Variants in SIK2 observed in about 807,000 individuals in gnomAD.
The protein encoded by SIK2 is serine/threonine-protein kinase SIK2.
A neutral mutation model predicts 103.2 loss-of-function variants in SIK2; 29 were observed. The ratio of observed to expected loss-of-function variants is 0.28; its 90% CI spans 0.21 to 0.38. The LOEUF (loss-of-function observed/expected upper bound fraction) is 0.38, where lower values mean the gene tolerates loss of function less well. SIK2 is among the 10% of genes least tolerant of loss of function. The pLI is 1.00. For synonymous variants in SIK2, 412 were observed against 446.1 expected, an observed-to-expected ratio of 0.92 and a Z score of 0.96; for missense variants, 879 against 1,171.0, an observed-to-expected ratio of 0.75 and a Z score of 3.64.
At chr11:111,715,947 G>A (rs772288488) in intron 9 of SIK2, among the ~76,000 whole-genome samples, 7 of 151,730 alleles carry the variant, frequency 4.6e-5, no homozygotes, top group South Asian at 2.1e-4. Flanking sequence ...GAGTACAGGC[G>A]CCTGCCACCA....
At chr11:111,637,955 C>T (rs964121009) in intron 3 of SIK2, among the ~76,000 whole-genome samples, 4 of 151,980 alleles carry the variant, frequency 2.6e-5, no homozygotes, top group Non-Finnish European at 5.9e-5. Context: ...GTGATTACTA[C>T]GTATATTTGT....
rs1943328531 is a variant in SIK2, at chr11:111,705,709, G to GGT, written c.1101+571_1101+572dup. Among the ~76,000 whole-genome samples, 1 of 152,292 alleles carries GGT rather than the reference G, an allele frequency of 6.6e-6. No homozygotes were observed. The highest frequency in any genetic ancestry group is 6.5e-5 in the Admixed American group (1 of 15,292). The stretch of plus-strand genomic sequence containing the variant: ...TATTGTGAAGAGTTTTGAATGCCAA[G>GGT]GTAAAGAGTTTACTTACAATTCAAG... On this transcript the variant is annotated intron_variant, in intron 8 of 14. Coordinates refer to ENST00000304987, the MANE Select transcript of SIK2 (RefSeq NM_015191.3). The surrounding 1 kb of genome is among the most constrained non-coding windows in gnomAD (Gnocchi z 4.3).
chr11:111,655,234 T>C (rs1158327337), intron 3 of SIK2, among the ~76,000 whole-genome samples: 3 of 152,130 alleles, frequency 2.0e-5, no homozygotes, highest in Admixed American at 6.5e-5. Flanking sequence ...AAACCTCTTC[T>C]CTACTAAAAA....
chr11:111,719,855 G>A lies in SIK2; in HGVS notation c.1347G>A (p.Glu449=). Residue 449 remains glutamate, a synonymous_variant, in exon 10 of 15, where the codon GAG becomes GAA. Transcript: ENST00000304987. ...GCQSLPSNMM[E]TSIDEGLETE... ...AGTCACTGCCCAGCAACATGATGGA[G>A]ACCTCCATTGACGAAGGGCTGGAGA... The A allele has an allele frequency of 6.2e-7, 1 of 1,614,118 alleles. No individual in the cohort carries two copies. Among genetic ancestry groups the A allele is most frequent in the Non-Finnish European group, 8.5e-7 (1 of 1,180,032 alleles).
chr11:111,664,875 C>G (rs962377598), intron 3 of SIK2, among the ~76,000 whole-genome samples: 7 of 152,170 alleles, frequency 4.6e-5, no homozygotes, highest in African/African-American at 1.7e-4. Flanking sequence ...TTCCTTTTCC[C>G]CTATTAGCTT....
intron 3 of SIK2, among the ~76,000 whole-genome samples, chr11:111,647,939 A>T (rs537049708): frequency 6.6e-6 from 1 of 152,206 alleles, no homozygotes; most frequent in African/African-American, 2.4e-5. Flanking sequence ...CTATTTATAG[A>T]TGAAAATAAG....
chr11:111,705,554 A>C lies in SIK2; in HGVS notation c.1101+415A>C, dbSNP rs1943325254. 1.3e-5 allele frequency among the ~76,000 whole-genome samples: 2 copies of C among 152,202 alleles called. No homozygotes were observed. The highest frequency in any genetic ancestry group is 2.9e-5 in the Non-Finnish European group (2 of 68,040). ...CAAGATCATAAACAACCATCATTCA[A>C]AATAGGGAAAGATGAGAGCTGTAGC... On this transcript the variant is annotated intron_variant, in intron 8 of 14. Transcript: ENST00000304987. The surrounding 1 kb of genome is among the most constrained non-coding windows in gnomAD (Gnocchi z 4.3).
chr11:111,730,256 G>T lies in SIK2; in HGVS notation c.*6127G>T. 6.6e-6 allele frequency: 1 copy of T among 152,234 alleles called. No individual in the cohort carries two copies. Among genetic ancestry groups the T allele is most frequent in the Non-Finnish European group, 1.5e-5 (1 of 68,050 alleles). 9.4% of individuals were successfully genotyped at this position (152,234 alleles called of 1,614,324 possible). A position where few individuals can be genotyped will look rare whatever the true frequency, so the allele number is the denominator to read the frequency against. On this transcript the variant is annotated 3_prime_UTR_variant, in exon 15 of 15. Transcript: ENST00000304987. ...AGATGGAATAATGTCACATTCCCCA[G>T]TGCAGATAATGGGCTGCTGCTGGCT...
chr11:111,606,665 A>G (rs564696728), intron 1 of SIK2, among the ~76,000 whole-genome samples: 43 of 152,258 alleles, frequency 2.8e-4, no homozygotes, highest in African/African-American at 9.9e-4. Context: ...TTGTGCCTAT[A>G]ACTGAGTGTG....
rs566884305 is a variant in SIK2, at chr11:111,637,926, C to T, written c.316+17524C>T. Reference sequence around the variant, plus strand: ...TGTGTTTGTTTTAGTGTATATATTACGTGTTAGAGTTTATTTAGGTGATTA... The same window carrying T: ...TGTGTTTGTTTTAGTGTATATATTATGTGTTAGAGTTTATTTAGGTGATTA... On this transcript the variant is annotated intron_variant, in intron 3 of 14. Transcript: ENST00000304987. Among the ~76,000 whole-genome samples the T allele has an allele frequency of 1.5e-3, 231 of 151,950 alleles. 2 individuals carry two copies. Among genetic ancestry groups the T allele is most frequent in the African/African-American group, 5.3e-3 (219 of 41,412 alleles).
At chr11:111,636,477 T>G (rs946472206) in intron 3 of SIK2, among the ~76,000 whole-genome samples, 4 of 152,202 alleles carry the variant, frequency 2.6e-5, no homozygotes, top group African/African-American at 4.8e-5. Flanking sequence ...GTTAACAAAG[T>G]CTCTGCCTTC....
At chr11:111,716,591 AAAG>A (rs930880266) in intron 9 of SIK2, among the ~76,000 whole-genome samples, 43 of 152,266 alleles carry the variant, frequency 2.8e-4, no homozygotes, top group African/African-American at 8.4e-4. Context: ...AAAAAAGAAA[AAAG>A]AAGAAGAAAA....
In SIK2 at chr11:111,727,584, A is replaced by G. The variant is rs61899391; in HGVS notation, c.*3455A>G. On this transcript the variant is annotated 3_prime_UTR_variant, in exon 15 of 15. Transcript: ENST00000304987. ...TGCCCCCTACCCTCTCTCGTGGACC[A>G]AAGTCTCCAGCAGAAGAGACTCATC... is the stretch of plus-strand genomic sequence containing the variant. 3,124 of 157,328 alleles carry G rather than the reference A, an allele frequency of 0.02. 45 individuals carry two copies. The highest frequency in any genetic ancestry group is 0.07 in the Middle Eastern group (21 of 300). The allele number at this position is 157,328 out of a possible 1,614,324, so 9.7% of individuals were successfully genotyped here.
intron 4 of SIK2, among the ~76,000 whole-genome samples, chr11:111,689,818 C>T (rs1655257499): frequency 6.6e-6 from 1 of 152,068 alleles, no homozygotes; most frequent in South Asian, 2.1e-4. Context: ...TAGGGGAAGG[C>T]AAATTATTTT....
intron 3 of SIK2, among the ~76,000 whole-genome samples, chr11:111,661,215 G>T (rs1165564928): frequency 6.6e-6 from 1 of 152,150 alleles, no homozygotes; most frequent in Admixed American, 6.5e-5. Context: ...TACTGCACTA[G>T]GTTAGAAGCC....
intron 1 of SIK2, among the ~76,000 whole-genome samples, chr11:111,609,119 AT>A (rs1565304367): frequency 6.8e-6 from 1 of 147,930 alleles, no homozygotes; most frequent in East Asian, 1.9e-4. Context: ...CCTTTTATAA[AT>A]TTTTTTGTCC....
chr11:111,620,128 C>G (rs1242581892), intron 2 of SIK2, among the ~76,000 whole-genome samples: 1 of 152,146 alleles, frequency 6.6e-6, no homozygotes, highest in Non-Finnish European at 1.5e-5. Flanking sequence ...TACTGCTGGT[C>G]CAAGGACCAC....
At chr11:111,637,456 CTT>C (rs558690499) in intron 3 of SIK2, among the ~76,000 whole-genome samples, 171 of 124,690 alleles carry the variant, frequency 1.4e-3, no homozygotes, top group African/African-American at 5.2e-3. Flanking sequence ...TTTGTAATAT[CTT>C]TTTTTTTTTT....
intron 3 of SIK2, among the ~76,000 whole-genome samples, chr11:111,637,321 T>A (rs1016934755): frequency 6.6e-6 from 1 of 151,994 alleles, no homozygotes; most frequent in Non-Finnish European, 1.5e-5. Context: ...TTTTTATTTT[T>A]ATTTTTTTAG....
Sources: allele counts gnomAD v4.1 joint callset (sites outside exome capture counted in the v4.1 genomes callset), GRCh38; gene constraint gnomAD v4.1.1; non-coding constraint Gnocchi (gnomAD v3.1); transcripts MANE v1.5; gene names NCBI Gene and HGNC (gene_info 2026-07-23, HGNC 2026-07-21).